The following TOX3 variants were observed in gnomAD, a reference collection of about 807,000 sequenced individuals.
The protein encoded by TOX3 is CAG trinucleotide repeat-containing gene F9 protein.
A neutral mutation model predicts 64.3 loss-of-function variants in TOX3; 22 were observed. The observed-to-expected ratio is 0.34, with a 90% CI of 0.24 to 0.49. TOX3 has a LOEUF of 0.49. TOX3 is among the 20% of genes least tolerant of loss of function. The pLI is 0.99. For missense variants in TOX3, 661 were observed against 714.4 expected (o/e 0.93, Z 0.85); for synonymous variants, 291 against 273.6 (o/e 1.06, Z -0.63).
chr16:52,506,226 T>G (rs1397374447), intron 1 of TOX3, among the ~76,000 whole-genome samples: 2 of 152,192 alleles, frequency 1.3e-5, no homozygotes, highest in African/African-American at 4.8e-5. Context: ...TAAGCCTCAC[T>G]AGGCTGATGC....
chr16:52,444,191 G>T, intron 6 of TOX3, 85 bp downstream of exon 6: 1 of 1,011,328 alleles, frequency 9.9e-7, no homozygotes, highest in South Asian at 2.3e-5. Context: ...ACTTTTAGGG[G>T]AGCTACAAGT....
At chr16:52,503,114 T>G (rs1474207321) in intron 1 of TOX3, among the ~76,000 whole-genome samples, 5 of 152,216 alleles carry the variant, frequency 3.3e-5, no homozygotes, top group African/African-American at 1.2e-4. Context: ...TAAATTATTA[T>G]TAGTATCTAC....
intron 1 of TOX3, among the ~76,000 whole-genome samples, chr16:52,522,996 G>T (rs998639422): frequency 6.6e-6 from 1 of 152,178 alleles, no homozygotes; most frequent in African/African-American, 2.4e-5. Context: ...GCCTTCGCCA[G>T]GTTATGTTCT....
intron 5 of TOX3, 59 bp downstream of exon 5, chr16:52,445,935 G>A: frequency 6.7e-7 from 1 of 1,487,536 alleles, no homozygotes; most frequent in Non-Finnish European, 9.3e-7. Context: ...AAAGGTGTGA[G>A]GAATATTTTA....
intron 1 of TOX3, among the ~76,000 whole-genome samples, chr16:52,538,317 AACTTCT>A (rs1160017950): frequency 1.3e-5 from 2 of 152,202 alleles, no homozygotes; most frequent in Non-Finnish European, 2.9e-5. Flanking sequence ...CAGCATTTTG[AACTTCT>A]ACTTCCTACA....
intron 1 of TOX3, among the ~76,000 whole-genome samples, chr16:52,473,236 GA>G (rs913647935): frequency 1.3e-5 from 2 of 152,008 alleles, no homozygotes; most frequent in African/African-American, 4.8e-5. Flanking sequence ...ACTTCAGCTT[GA>G]TGCGTCCACA....
chr16:52,506,881 T>C (rs889978534), intron 1 of TOX3, among the ~76,000 whole-genome samples: 2 of 152,184 alleles, frequency 1.3e-5, no homozygotes, highest in Non-Finnish European at 2.9e-5. Flanking sequence ...TGTAGTATTG[T>C]TTGTGTCAAA....
chr16:52,480,479 A>G (rs1404787669), intron 1 of TOX3, among the ~76,000 whole-genome samples: 1 of 152,210 alleles, frequency 6.6e-6, no homozygotes, highest in Non-Finnish European at 1.5e-5. Context: ...GGACACCCCG[A>G]GTAAGTCTCC....
intron 1 of TOX3, among the ~76,000 whole-genome samples, chr16:52,520,861 T>C (rs750306720): frequency 7.2e-5 from 11 of 152,224 alleles, no homozygotes; most frequent in Non-Finnish European, 1.5e-4. Context: ...ATGGCTAAGG[T>C]ATAGTATTGT....
intron 1 of TOX3, among the ~76,000 whole-genome samples, chr16:52,491,292 T>A (rs1402542957): frequency 6.6e-6 from 1 of 152,040 alleles, no homozygotes; most frequent in Non-Finnish European, 1.5e-5. Flanking sequence ...TGAGCTCTTC[T>A]TCCTCCTGCC....
At chr16:52,440,714 A>G (rs966828777) in intron 6 of TOX3, among the ~76,000 whole-genome samples, 11 of 123,750 alleles carry the variant, frequency 8.9e-5, no homozygotes, top group Non-Finnish European at 1.9e-4. Context: ...CTGTTTCCTT[A>G]TCTGTAACAT....
rs542110876 is a variant in TOX3 at position 52,526,055 on chromosome 16, T to C, written c.87+20582A>G. Among the ~76,000 whole-genome samples, 3 of 152,332 alleles carry C rather than the reference T, an allele frequency of 2.0e-5. No individual in the cohort carries two copies. The South Asian group carries it at 6.2e-4, about 32-fold the overall frequency. On this transcript the variant is annotated intron_variant, in intron 1 of 6. Transcript: ENST00000219746. ...TTTGAAATATTCTCTGACATTCCCA[T>C]TGGCTTAAGTATTCTCATACTTTTC... is the stretch of plus-strand genomic sequence containing the variant.
chr16:52,546,889 G>T lies in TOX3; in HGVS notation c.-166C>A, dbSNP rs1449871826. 5.7e-5 allele frequency: 66 copies of T among 1,156,994 alleles called. No individual in the cohort carries two copies. The highest frequency in any genetic ancestry group is 6.7e-5 in the Non-Finnish European group (63 of 940,668). The allele number at this position is 1,156,994 out of a possible 1,614,324, so 71.7% of individuals were successfully genotyped here. A position where few individuals can be genotyped will look rare whatever the true frequency, so the allele number is the denominator to read the frequency against. ...AGAGCCCGAGGAGCTCGGGAGCCGCGGCCGCCGCACACAAAGGCGCGGCCA... is the reference window on the plus strand; with the variant it reads ...AGAGCCCGAGGAGCTCGGGAGCCGCTGCCGCCGCACACAAAGGCGCGGCCA... On this transcript the variant is annotated 5_prime_UTR_variant, in exon 1 of 7. Transcript: ENST00000219746.
At chr16:52,440,752 C>T (rs201834898) in intron 6 of TOX3, among the ~76,000 whole-genome samples, 4,824 of 66,938 alleles carry the variant, frequency 0.072, 608 homozygotes, top group East Asian at 0.27. Context: ...TTCTTTCTTT[C>T]TTTTTTTTTT....
intron 3 of TOX3, among the ~76,000 whole-genome samples, chr16:52,455,625 A>T (rs1960491284): frequency 1.3e-5 from 2 of 152,196 alleles, no homozygotes; most frequent in South Asian, 4.1e-4. Context: ...TTGGGGAAGG[A>T]TGGCTACATT....
chr16:52,533,932 T>A (rs1962898962), intron 1 of TOX3, among the ~76,000 whole-genome samples: 1 of 152,152 alleles, frequency 6.6e-6, no homozygotes, highest in Non-Finnish European at 1.5e-5. Context: ...GAAGCTGCCC[T>A]CTCTGGGCCT....
At chr16:52,513,757 C>T (rs1962373310) in intron 1 of TOX3, among the ~76,000 whole-genome samples, 1 of 152,110 alleles carries the variant, frequency 6.6e-6, no homozygotes, top group Non-Finnish European at 1.5e-5. Flanking sequence ...ATGTTCACTG[C>T]TTATTTGACT....
intron 1 of TOX3, among the ~76,000 whole-genome samples, chr16:52,520,939 A>G (rs1254962666): frequency 6.6e-6 from 1 of 152,236 alleles, no homozygotes; most frequent in Admixed American, 6.5e-5. Flanking sequence ...TAACAAAAGG[A>G]CACTTTATTT....
chr16:52,465,002 A>ATTTTT (rs1340719697), intron 2 of TOX3, among the ~76,000 whole-genome samples: 118 of 60,846 alleles, frequency 1.9e-3, no homozygotes, highest in Non-Finnish European at 2.4e-3. Flanking sequence ...GTCTTAATGC[A>ATTTTT]TTCTTTTTTT....
Sources: gnomAD v4.1 joint callset for allele counts (sites outside exome capture counted in the v4.1 genomes callset) on GRCh38, gnomAD v4.1.1 for gene constraint, MANE v1.5 for transcripts, NCBI Gene and HGNC (gene_info 2026-07-23, HGNC 2026-07-21) for gene names.